DROSHA: variants seen among roughly 807,000 people sequenced by gnomAD.
DROSHA encodes drosha ribonuclease III.
DROSHA carries 56 observed loss-of-function variants against 181.9 expected under a neutral mutation model. The observed-to-expected ratio is 0.31, with a 90% CI of 0.25 to 0.38. The LOEUF (loss-of-function observed/expected upper bound fraction) is 0.38. Among genes scored for constraint, DROSHA ranks in the 10% least tolerant of loss-of-function variants. The pLI is 1.00. For synonymous variants in DROSHA, 524 were observed against 591.2 expected (o/e 0.89, Z 1.65); for missense variants, 1,218 against 1,743.5 (o/e 0.70, Z 5.37).
At chr5:31,531,843 C>T (rs1287585821) in intron 1 of DROSHA, 147 bp downstream of exon 1, 1 of 154,060 alleles carries the variant, frequency 6.5e-6, no homozygotes, top group African/African-American at 2.4e-5. Flanking sequence ...CCTAGCGTCG[C>T]TCTTTTGCCC....
chr5:31,493,348 A>G, intron 12 of DROSHA, 55 bp from the exon 13 acceptor site: 1 of 1,482,620 alleles, frequency 6.7e-7, no homozygotes, highest in African/African-American at 1.4e-5. Context: ...TGAGTTGCAT[A>G]TGCAGAAATC....
chr5:31,493,939 G>C lies in DROSHA; in HGVS notation c.1756-646C>G, dbSNP rs1334078890. On this transcript the variant is annotated intron_variant, in intron 12 of 35. Coordinates refer to ENST00000344624, the MANE Select transcript of DROSHA (RefSeq NM_001382508.1). ...TATGCCATTCTTATAACCCACCATT[G>C]TGTGTGTGTGTGTGTGTGTGTGTGT... is the stretch of plus-strand genomic sequence containing the variant. Among the ~76,000 whole-genome samples, 302 of 38,130 alleles carry C rather than the reference G, an allele frequency of 7.9e-3. 1 individual carries two copies. Among genetic ancestry groups the C allele is most frequent in the Non-Finnish European group, 0.011 (89 of 8,422 alleles). The allele number at this position is 38,130 out of a possible 152,430, so 25.0% of individuals were successfully genotyped here.
At chr5:31,462,394 T>A (rs750415773) in intron 20 of DROSHA, among the ~76,000 whole-genome samples, 1 of 152,088 alleles carries the variant, frequency 6.6e-6, no homozygotes, top group Non-Finnish European at 1.5e-5. Context: ...TCATAAAGCA[T>A]TCACCTTTGC....
intron 10 of DROSHA, 148 bp from the exon 11 acceptor site, chr5:31,504,783 A>G (rs1462003668): frequency 1.2e-5 from 9 of 757,328 alleles, no homozygotes; most frequent in Non-Finnish European, 2.0e-5. Context: ...CGGATGTTCC[A>G]AAACCAATAA....
intron 16 of DROSHA, among the ~76,000 whole-genome samples, chr5:31,473,293 G>A (rs1193156479): frequency 6.6e-6 from 1 of 152,140 alleles, no homozygotes; most frequent in Non-Finnish European, 1.5e-5. Flanking sequence ...GAATTGCTGT[G>A]GGCTAAGAAC....
chr5:31,449,024 A>G (rs1343843551), intron 22 of DROSHA, among the ~76,000 whole-genome samples: 1 of 152,028 alleles, frequency 6.6e-6, no homozygotes, highest in Non-Finnish European at 1.5e-5. Flanking sequence ...AATCCCAGCT[A>G]TTTGGGAGGC....
intron 12 of DROSHA, among the ~76,000 whole-genome samples, 156 bp from the exon 13 acceptor site, chr5:31,493,449 A>C (rs866863182): frequency 6.6e-6 from 1 of 152,224 alleles, no homozygotes; most frequent in African/African-American, 2.4e-5. Flanking sequence ...ACATGAAATT[A>C]TCCGGCTTCA....
At chr5:31,491,637 G>A (rs1752427456) in intron 13 of DROSHA, among the ~76,000 whole-genome samples, 1 of 150,430 alleles carries the variant, frequency 6.6e-6, no homozygotes, top group South Asian at 2.1e-4. Flanking sequence ...GGGGTGGAGA[G>A]TAATCAACTC....
chr5:31,452,529 T>C (rs945165257), intron 20 of DROSHA, among the ~76,000 whole-genome samples: 4 of 152,050 alleles, frequency 2.6e-5, no homozygotes, highest in South Asian at 4.1e-4. Context: ...CACAAGAGAA[T>C]GTAAGGAGTC....
chr5:31,525,267 T>C lies in DROSHA; in HGVS notation c.854+812A>G, dbSNP rs561969574. Reference sequence around the variant, plus strand: ...AATCACTTGAACCCAGAGGCAGAGGTTGTAGTGAGCCGAGACTGCGCCACT... The same window carrying C: ...AATCACTTGAACCCAGAGGCAGAGGCTGTAGTGAGCCGAGACTGCGCCACT... On this transcript the variant is annotated intron_variant, in intron 5 of 35. Transcript: ENST00000344624. 2.7e-5 allele frequency among the ~76,000 whole-genome samples: 4 copies of C among 145,554 alleles called. No individual in the cohort carries two copies. In the East Asian group the frequency reaches 8.1e-4, roughly 30 times the overall value.
chr5:31,502,107 T>C (rs1753635946), intron 11 of DROSHA, among the ~76,000 whole-genome samples: 1 of 152,258 alleles, frequency 6.6e-6, no homozygotes, highest in Admixed American at 6.5e-5. Flanking sequence ...AGTGGGCCTT[T>C]TCAGGCTCAG....
At chr5:31,418,002 T>C (rs568407784) in intron 30 of DROSHA, among the ~76,000 whole-genome samples, 10 of 152,230 alleles carry the variant, frequency 6.6e-5, no homozygotes, top group Non-Finnish European at 1.3e-4. Flanking sequence ...AGTTCAAAAA[T>C]GCCCGTAAGA....
chr5:31,514,769 C>T lies in DROSHA; in HGVS notation c.1290+219G>A, dbSNP rs1204878645. 6.6e-6 allele frequency among the ~76,000 whole-genome samples: 1 copy of T among 152,156 alleles called. No homozygotes were observed. The highest frequency in any genetic ancestry group is 1.5e-5 in the Non-Finnish European group (1 of 68,026). ...GATTCTCAACTGGGGGTGATCTTTTCCCCCCAGGGGACATTTGGCAATATT... is the reference window on the plus strand; with the variant it reads ...GATTCTCAACTGGGGGTGATCTTTTTCCCCCAGGGGACATTTGGCAATATT... On this transcript the variant is annotated intron_variant, in intron 8 of 35. Coordinates refer to ENST00000344624, the MANE Select transcript of DROSHA (RefSeq NM_001382508.1). The surrounding 1 kb of genome is among the most constrained non-coding windows in gnomAD (Gnocchi z 4.4).
intron 20 of DROSHA, among the ~76,000 whole-genome samples, chr5:31,458,611 C>A (rs765127683): frequency 5.3e-5 from 8 of 152,186 alleles, no homozygotes; most frequent in Non-Finnish European, 1.2e-4. Context: ...TGCAAAAAAA[C>A]TGAACTTAAA....
intron 15 of DROSHA, 126 bp downstream of exon 15, chr5:31,484,755 T>C: frequency 2.9e-6 from 2 of 682,174 alleles, no homozygotes; most frequent in Non-Finnish European, 4.9e-6. Context: ...GAATAACACT[T>C]TTCTCTGGGT....
intron 13 of DROSHA, among the ~76,000 whole-genome samples, chr5:31,489,723 C>G (rs1338741083): frequency 6.6e-6 from 1 of 152,204 alleles, no homozygotes; most frequent in African/African-American, 2.4e-5. Context: ...TCTAACTCTA[C>G]TACTTCCACA....
At chr5:31,524,075 T>C (rs546493812) in intron 5 of DROSHA, among the ~76,000 whole-genome samples, 4 of 151,668 alleles carry the variant, frequency 2.6e-5, no homozygotes, top group Non-Finnish European at 4.4e-5. Flanking sequence ...CAGTAGTTCA[T>C]GCTGAAAAGA....
rs1753197803 is a variant in DROSHA at position 31,498,153 on chromosome 5, G to C, written c.1669-2781C>G. ...TGTCTCCTGGAAATCTCCAGGCTAG[G>C]TTGTAGACTGCTGACACAGGCTGAC... On this transcript the variant is annotated intron_variant, in intron 11 of 35. Transcript: ENST00000344624. Among the ~76,000 whole-genome samples the C allele has an allele frequency of 2.6e-5, 4 of 152,222 alleles. No homozygotes were observed. The South Asian group carries it at 8.3e-4, about 31-fold the overall frequency.
chr5:31,435,138 GT>G (rs1744639066), intron 25 of DROSHA, among the ~76,000 whole-genome samples: 1 of 152,192 alleles, frequency 6.6e-6, no homozygotes, highest in Non-Finnish European at 1.5e-5. Context: ...GGACTGGAAT[GT>G]TCTTATCAGC....
Sources: allele counts gnomAD v4.1 joint callset (sites outside exome capture counted in the v4.1 genomes callset), GRCh38; gene constraint gnomAD v4.1.1; non-coding constraint Gnocchi (gnomAD v3.1); transcripts MANE v1.5; gene names NCBI Gene and HGNC (gene_info 2026-07-23, HGNC 2026-07-21).